The following PCDHA10 variants were observed in gnomAD, a reference collection of about 807,000 sequenced individuals.
PCDHA10 encodes protocadherin alpha 10, also known as protocadherin alpha-10.
Under a neutral mutation model 61.2 loss-of-function variants are expected in PCDHA10, and 45 were observed. The observed-to-expected ratio is 0.74, with a 90% CI of 0.58 to 0.94. The LOEUF (loss-of-function observed/expected upper bound fraction) is 0.94, where lower values mean the gene tolerates loss of function less well. PCDHA10 is among the 40% of genes least tolerant of loss of function. PCDHA10 has a pLI of 0.00. For synonymous variants in PCDHA10, 602 were observed against 548.8 expected (o/e 1.10, Z -1.35); for missense variants, 1,278 against 1,236.2 (o/e 1.03, Z -0.51).
At position 140,857,581 on chromosome 5, in the gene PCDHA10, G is replaced by C. The variant is rs781800563; in HGVS notation, c.1533G>C (p.Ala511=). Reference sequence around the variant, plus strand: ...TGTCGAGCTACGTGTCGGTGCACGCGGAGAGCGGCAAGGTGTACGCGCTGC... The same window carrying C: ...TGTCGAGCTACGTGTCGGTGCACGCCGAGAGCGGCAAGGTGTACGCGCTGC... ...RSLSSYVSVH[A]ESGKVYALQP... is the part of the protein sequence containing the mutation. Residue 511 remains alanine, a synonymous_variant, in exon 1 of 4, where the codon GCG becomes GCC. Coordinates refer to ENST00000307360, the MANE Select transcript of PCDHA10 (RefSeq NM_018901.4). The C allele has an allele frequency of 2.5e-6, 4 of 1,596,740 alleles. No individual in the cohort carries two copies. Among genetic ancestry groups the C allele is most frequent in the African/African-American group, 1.3e-5 (1 of 74,490 alleles).
At position 140,992,156 on chromosome 5, in the gene PCDHA10, A is replaced by G. The variant is rs79603129; in HGVS notation, c.2536+9593A>G. On this transcript the variant is annotated intron_variant, in intron 3 of 3. Coordinates refer to ENST00000307360, the MANE Select transcript of PCDHA10 (RefSeq NM_018901.4). ...TGATGATGCTAACTTTGCTCAATCA[A>G]GAAGTGTGATCCATTTAAATCATGC... Among the ~76,000 whole-genome samples the G allele has an allele frequency of 2.1e-3, 313 of 152,232 alleles. 2 individuals carry two copies. The highest frequency in any genetic ancestry group is 3.8e-3 in the Non-Finnish European group (258 of 67,998).
intron 1 of PCDHA10, among the ~76,000 whole-genome samples, chr5:140,960,911 G>A (rs2095578426): frequency 6.6e-6 from 1 of 152,284 alleles, no homozygotes; most frequent in Non-Finnish European, 1.5e-5. Context: ...TTGAGTTTCA[G>A]ATAGAAAATT....
chr5:141,002,679 G>A (rs1554258764), intron 3 of PCDHA10, among the ~76,000 whole-genome samples: 1 of 152,134 alleles, frequency 6.6e-6, no homozygotes, highest in Non-Finnish European at 1.5e-5. Context: ...AAACCTATAC[G>A]ACGTGCAGAT....
intron 1 of PCDHA10, among the ~76,000 whole-genome samples, chr5:140,978,488 C>T (rs1453613410): frequency 6.6e-6 from 1 of 152,224 alleles, no homozygotes; most frequent in Non-Finnish European, 1.5e-5. Flanking sequence ...TCTGCAAAGC[C>T]AGCAGCAGAT....
intron 1 of PCDHA10, chr5:140,876,767 C>T (rs1462172871): frequency 1.2e-6 from 2 of 1,614,194 alleles, no homozygotes; most frequent in South Asian, 1.1e-5. Flanking sequence ...GATGGGGGCT[C>T]GCCTTCGCTG....
chr5:140,966,925 A>C (rs782069766), intron 1 of PCDHA10: 1 of 1,603,462 alleles, frequency 6.2e-7, no homozygotes, highest in Non-Finnish European at 8.5e-7. Context: ...AGGAGCAGGC[A>C]CCCGGCGCGC....
chr5:140,880,920 A>G (rs1189539222), intron 1 of PCDHA10, among the ~76,000 whole-genome samples: 1 of 152,228 alleles, frequency 6.6e-6, no homozygotes, highest in Non-Finnish European at 1.5e-5. Flanking sequence ...GAGAAATACT[A>G]TGTTAGTAAA....
chr5:140,875,637 G>T, intron 1 of PCDHA10: 1 of 1,613,638 alleles, frequency 6.2e-7, no homozygotes, highest in Non-Finnish European at 8.5e-7. Flanking sequence ...TGGGGCTGGA[G>T]CTGGCGGAGC....
intron 1 of PCDHA10, among the ~76,000 whole-genome samples, chr5:140,941,202 C>CTTTCCTT (rs1554213921): frequency 5.7e-5 from 7 of 122,742 alleles, no homozygotes; most frequent in Admixed American, 1.7e-4. Flanking sequence ...TTTCTTTCTT[C>CTTTCCTT]CTTTCTTTCT....
At chr5:140,904,107 T>A (rs1214453471) in intron 1 of PCDHA10, among the ~76,000 whole-genome samples, 3 of 152,216 alleles carry the variant, frequency 2.0e-5, no homozygotes, top group Non-Finnish European at 4.4e-5. Context: ...TAGTGGTCAT[T>A]GCTGAGATTT....
intron 1 of PCDHA10, chr5:140,862,898 C>T (rs782019926): frequency 8.8e-5 from 49 of 555,816 alleles, no homozygotes; most frequent in Non-Finnish European, 7.3e-5. Flanking sequence ...ACAACTTTGT[C>T]TGCGCTGCTG....
chr5:140,941,251 CTT>C (rs1177440606), intron 1 of PCDHA10, among the ~76,000 whole-genome samples: 1 of 121,786 alleles, frequency 8.2e-6, no homozygotes, highest in African/African-American at 3.1e-5. Flanking sequence ...TTCTTTCTTT[CTT>C]TCTCTTTCTT....
rs556197231 is a variant in PCDHA10, at chr5:140,969,709, A to C, written c.2389-9240A>C. The stretch of plus-strand genomic sequence containing the variant: ...AAATGGCCTCTGCTGTATCATCTAC[A>C]GGGAAATTTTTCTTTTGAAATCCTA... On this transcript the variant is annotated intron_variant, in intron 1 of 3. Transcript: ENST00000307360. Among the ~76,000 whole-genome samples, 11 of 152,304 alleles carry C rather than the reference A, an allele frequency of 7.2e-5. No individual in the cohort carries two copies. The East Asian group carries it at 1.5e-3, about 21-fold the overall frequency.
rs1554149409 is a variant in PCDHA10 at position 140,857,004 on chromosome 5, T to G, written c.956T>G (p.Val319Gly). 3 of 1,595,634 alleles carry G rather than the reference T, an allele frequency of 1.9e-6. No individual in the cohort carries two copies. The South Asian group carries it at 3.3e-5, about 18-fold the overall frequency. ...FEDSNTYEIH[V>G]DVTDKGNPPM... ...GACAGTAACACTTATGAAATTCATG[T>G]AGATGTTACAGATAAGGGAAACCCA... Residue 319 changes from valine to glycine, a missense_variant, in exon 1 of 4, where the codon GTA becomes GGA. By Grantham distance (109) the Val-to-Gly change is moderately radical (BLOSUM62 -3). Coordinates refer to ENST00000307360, the MANE Select transcript of PCDHA10 (RefSeq NM_018901.4).
At chr5:140,940,528 A>G (rs1190387049) in intron 1 of PCDHA10, among the ~76,000 whole-genome samples, 6 of 152,156 alleles carry the variant, frequency 3.9e-5, no homozygotes, top group African/African-American at 1.4e-4. Flanking sequence ...AGCTCACTGC[A>G]ATCTTGAATT....
chr5:140,920,002 A>G (rs1260973070), intron 1 of PCDHA10, among the ~76,000 whole-genome samples: 1 of 152,230 alleles, frequency 6.6e-6, no homozygotes, highest in Non-Finnish European at 1.5e-5. Flanking sequence ...CACAGAGGAA[A>G]AGGCCATGCG....
chr5:140,857,296 G>A lies in PCDHA10; in HGVS notation c.1248G>A (p.Arg416=). 1 of 1,598,680 alleles carries A rather than the reference G, an allele frequency of 6.3e-7. No individual in the cohort carries two copies. The highest frequency in any genetic ancestry group is 8.6e-7 in the Non-Finnish European group (1 of 1,168,036). The change falls in exon 1 of 4, where the codon AGG becomes AGA. Residue 416 remains arginine (R), a synonymous_variant. Transcript: ENST00000307360. ...TGGACAGCGCTCTGGACCGCGAGAG[G>A]GTGTCGGCCTATGAGCTGGTGGTGA... ...LVLDSALDRE[R]VSAYELVVTA...
At chr5:140,963,925 T>C (rs1293339875) in intron 1 of PCDHA10, among the ~76,000 whole-genome samples, 1 of 152,230 alleles carries the variant, frequency 6.6e-6, no homozygotes, top group Non-Finnish European at 1.5e-5. Flanking sequence ...CTAAGTAACA[T>C]GTCCATAGCC....
In PCDHA10 at chr5:140,858,521, A is replaced by G. The variant is rs782589492; in HGVS notation, c.2388+85A>G. On this transcript the variant is annotated intron_variant, in intron 1 of 3. Transcript: ENST00000307360. Reference sequence around the variant, plus strand: ...CATTTTCTCAAATATGTATCAGAATATTTCATTTTTGTCTACATTCCATTT... The same window carrying G: ...CATTTTCTCAAATATGTATCAGAATGTTTCATTTTTGTCTACATTCCATTT... 1.4e-6 allele frequency: 2 copies of G among 1,420,880 alleles called. 1 individual carries two copies. Among genetic ancestry groups the G allele is most frequent in the Non-Finnish European group, 1.9e-6 (2 of 1,028,816 alleles). 88.0% of individuals were successfully genotyped at this position (1,420,880 alleles called of 1,614,324 possible).
Sources: allele counts gnomAD v4.1 joint callset (sites outside exome capture counted in the v4.1 genomes callset), GRCh38; gene constraint gnomAD v4.1.1; transcripts MANE v1.5; gene names NCBI Gene and HGNC (gene_info 2026-07-23, HGNC 2026-07-21).